The following OSBPL6 variants were observed in gnomAD, a reference collection of about 807,000 sequenced individuals.
OSBPL6 encodes oxysterol-binding protein-related protein 6.
In OSBPL6, 49 loss-of-function variants were observed where a neutral mutation model predicts 125.8. The ratio of observed to expected loss-of-function variants is 0.39; its 90% CI spans 0.31 to 0.49. OSBPL6 has a LOEUF of 0.49. Among genes scored for constraint, OSBPL6 ranks in the 20% least tolerant of loss-of-function variants. The probability of loss-of-function intolerance (pLI) is 0.88; values close to 1 mark genes in which losing one functional copy is unlikely to be tolerated. For synonymous variants in OSBPL6, 394 were observed against 391.8 expected (o/e 1.01, Z -0.07); for missense variants, 986 against 1,135.4 (o/e 0.87, Z 1.89).
chr2:178,232,667 A>G (rs187013109), intron 1 of OSBPL6, among the ~76,000 whole-genome samples: 1 of 152,082 alleles, frequency 6.6e-6, no homozygotes, highest in Non-Finnish European at 1.5e-5. Flanking sequence ...TTTAAGTAAC[A>G]TGTTACATTT....
At chr2:178,381,434 A>T (rs938827359) in intron 15 of OSBPL6, among the ~76,000 whole-genome samples, 5 of 151,966 alleles carry the variant, frequency 3.3e-5, no homozygotes, top group Non-Finnish European at 7.4e-5. Context: ...GCTCACTGCA[A>T]CCTCTGCTTC....
chr2:178,329,956 T>C (rs1461559995), intron 5 of OSBPL6, among the ~76,000 whole-genome samples: 1 of 152,188 alleles, frequency 6.6e-6, no homozygotes, highest in Non-Finnish European at 1.5e-5. Flanking sequence ...ACATGGGAAA[T>C]GTTGCCCCGG....
chr2:178,198,342 G>A (rs979753600), intron 1 of OSBPL6, among the ~76,000 whole-genome samples: 6 of 151,500 alleles, frequency 4.0e-5, no homozygotes, highest in South Asian at 2.1e-4. Flanking sequence ...TCGCTCTGTC[G>A]CCCAGGCTGG....
chr2:178,208,716 TTTTCC>T (rs373734426), intron 1 of OSBPL6, among the ~76,000 whole-genome samples: 240 of 20,028 alleles, frequency 0.012, 1 homozygote, highest in African/African-American at 0.021. Context: ...CCTCCCATCC[TTTTCC>T]TTTCCTTTCC....
intron 15 of OSBPL6, 40 bp from the exon 16 acceptor site, chr2:178,382,380 A>C (rs753010455): frequency 6.5e-7 from 1 of 1,546,904 alleles, no homozygotes. Flanking sequence ...TGCAAAACTG[A>C]ACAAGAATTC....
intron 1 of OSBPL6, among the ~76,000 whole-genome samples, chr2:178,256,624 T>C (rs182903368): frequency 1.2e-3 from 188 of 152,320 alleles, no homozygotes; most frequent in Non-Finnish European, 2.2e-3. Flanking sequence ...AGAGCTGAAA[T>C]GAATGGCATA....
At chr2:178,281,888 A>G (rs1684224496) in intron 1 of OSBPL6, among the ~76,000 whole-genome samples, 1 of 152,132 alleles carries the variant, frequency 6.6e-6, no homozygotes, top group Non-Finnish European at 1.5e-5. Context: ...AGGTGCAGCA[A>G]ACCACCGTGG....
rs149719241 is a variant in OSBPL6, at chr2:178,308,858, G to A, written c.102+2572G>A. Among the ~76,000 whole-genome samples, 99 of 152,138 alleles carry A rather than the reference G, an allele frequency of 6.5e-4. 1 individual carries two copies. The East Asian group carries it at 0.017, about 26-fold the overall frequency. On this transcript the variant is annotated intron_variant, in intron 3 of 24. Transcript: ENST00000190611. Reference sequence around the variant, plus strand: ...CTCTACCCAGGATCCTGCAGAGTGCGCTTGCCTCACTATCTCACTTATGGC... The same window carrying A: ...CTCTACCCAGGATCCTGCAGAGTGCACTTGCCTCACTATCTCACTTATGGC...
chr2:178,353,709 C>G (rs1326128798), intron 12 of OSBPL6, among the ~76,000 whole-genome samples: 1 of 152,154 alleles, frequency 6.6e-6, no homozygotes, highest in Non-Finnish European at 1.5e-5. Flanking sequence ...CCTAGCAAGA[C>G]AGGCCAACAT....
Position 178,382,734 on chromosome 2 carries a change from CCAA to C in OSBPL6, c.1621+230_1621+232del. 4.2e-6 allele frequency: 6 copies of C among 1,443,272 alleles called. No individual in the cohort carries two copies. In the South Asian group the frequency reaches 7.7e-5, roughly 18 times the overall value. 89.4% of individuals were successfully genotyped at this position (1,443,272 alleles called of 1,614,324 possible). On this transcript the variant is annotated intron_variant, in intron 16 of 24. Transcript: ENST00000190611. Reference sequence around the variant, plus strand: ...GAAAACGTTTTTCCTCTTTCTCAAACCAACAGCTTGAGTCCTTCTTATTAAATG... The same window carrying C: ...GAAAACGTTTTTCCTCTTTCTCAAACCAGCTTGAGTCCTTCTTATTAAATG...
intron 5 of OSBPL6, among the ~76,000 whole-genome samples, chr2:178,329,338 A>C (rs1285354169): frequency 6.6e-6 from 1 of 152,188 alleles, no homozygotes; most frequent in Admixed American, 6.6e-5. Context: ...TTACCCAAAT[A>C]GCAAGGATTC....
chr2:178,203,949 T>A (rs1363730382), intron 1 of OSBPL6, among the ~76,000 whole-genome samples: 1 of 152,150 alleles, frequency 6.6e-6, no homozygotes, highest in Non-Finnish European at 1.5e-5. Context: ...TGCGTTCTAG[T>A]GTTTTTTTCT....
At chr2:178,286,571 T>TG (rs1267522151) in intron 2 of OSBPL6, among the ~76,000 whole-genome samples, 2 of 152,208 alleles carry the variant, frequency 1.3e-5, no homozygotes, top group African/African-American at 4.8e-5. Flanking sequence ...TTTCAGGCCA[T>TG]GGGCTTAAGG....
chr2:178,279,339 T>C (rs1288716379), intron 1 of OSBPL6, among the ~76,000 whole-genome samples: 1 of 152,134 alleles, frequency 6.6e-6, no homozygotes, highest in East Asian at 1.9e-4. Flanking sequence ...TCACATAGCT[T>C]AAAGGAAAAT....
chr2:178,245,182 T>G (rs1429134301), intron 1 of OSBPL6, among the ~76,000 whole-genome samples: 1 of 152,210 alleles, frequency 6.6e-6, no homozygotes, highest in Non-Finnish European at 1.5e-5. Context: ...AGCCTGGATG[T>G]GCTGGTTGAT....
At chr2:178,204,974 A>G (rs945405515) in intron 1 of OSBPL6, among the ~76,000 whole-genome samples, 1 of 152,172 alleles carries the variant, frequency 6.6e-6, no homozygotes, top group African/African-American at 2.4e-5. Context: ...AGGTGTTGGT[A>G]TTGTTAATCC....
At chr2:178,391,840 C>CCTAA (rs1477988981) in intron 22 of OSBPL6, among the ~76,000 whole-genome samples, 25 of 152,180 alleles carry the variant, frequency 1.6e-4, no homozygotes, top group Non-Finnish European at 1.0e-4. Context: ...TCCTAAGAGA[C>CCTAA]ATCAATGAGT....
chr2:178,339,069 C>T lies in OSBPL6; in HGVS notation c.869C>T (p.Ser290Leu). The T allele has an allele frequency of 1.2e-6, 2 of 1,611,662 alleles. No homozygotes were observed. The highest frequency in any genetic ancestry group is 1.7e-6 in the Non-Finnish European group (2 of 1,178,096). Residue 290 changes from serine to leucine, a missense_variant, in exon 10 of 25, where the codon TCG becomes TTG. By Grantham distance (145) the Ser-to-Leu change is moderately radical. This residue lies in a region of OSBPL6 where 843 missense variants were observed against 997.3 expected (regional missense o/e 0.85). Transcript: ENST00000190611. Reference protein sequence around the residue: ...QNLEILQRTQSAPNFTDMQAN... With the variant: ...QNLEILQRTQLAPNFTDMQAN... ...TTGGAAATACTTCAGAGAACTCAGT[C>T]GGCACCTAACTTTACTGACATGCAG...
intron 2 of OSBPL6, among the ~76,000 whole-genome samples, chr2:178,286,791 T>G (rs1294978378): frequency 6.6e-6 from 1 of 152,226 alleles, no homozygotes; most frequent in African/African-American, 2.4e-5. Context: ...TCACTCATTC[T>G]GGACACCAGG....
Sources: gnomAD v4.1 joint callset for allele counts (sites outside exome capture counted in the v4.1 genomes callset) on GRCh38, gnomAD v4.1.1 for gene constraint, gnomAD v4.1.1 regional missense constraint, MANE v1.5 for transcripts, NCBI Gene and HGNC (gene_info 2026-07-23, HGNC 2026-07-21) for gene names.